Variants in NRBP2 observed in about 807,000 individuals in gnomAD.
NRBP2 encodes nuclear receptor binding protein 2.
In NRBP2, 47 loss-of-function variants were observed where a neutral mutation model predicts 74.4. The ratio of observed to expected loss-of-function variants is 0.63; its 90% CI spans 0.50 to 0.81. The LOEUF is 0.81. Among genes scored for constraint, NRBP2 ranks in the 30% least tolerant of loss-of-function variants. The pLI is 0.00. For missense variants in NRBP2, 613 were observed against 690.1 expected (o/e 0.89, Z 1.25); for synonymous variants, 312 against 273.8 (o/e 1.14, Z -1.38).
chr8:143,832,751 C>A (rs1171489103), downstream of NRBP2, among the ~76,000 whole-genome samples: 6 of 152,206 alleles, frequency 3.9e-5, no homozygotes, highest in Admixed American at 3.9e-4. Context: ...CTGACACATC[C>A]CCCTCTTCGA....
rs542692781 is a variant in NRBP2 at position 143,836,348 on chromosome 8, G to A, written c.1264-168C>T. Among the ~76,000 whole-genome samples the A allele has an allele frequency of 2.6e-5, 4 of 152,214 alleles. No homozygotes were observed. In the East Asian group the frequency reaches 7.8e-4, roughly 30 times the overall value. The stretch of plus-strand genomic sequence containing the variant: ...GCTAAGGAAAGCTTCGAGAAGAGTC[G>A]ACATTAGGGGCTGGGTACTGAAGGC... On this transcript the variant is annotated intron_variant, in intron 14 of 17. Transcript: ENST00000442628.
At position 143,839,277 on chromosome 8, in the gene NRBP2, T is replaced by C. The variant is rs923280552; in HGVS notation, c.580+37A>G. Reference sequence around the variant, plus strand: ...GCCCTTGGCTCCAGGCACCTTCCCCTGCCCCGTTCCCCCACCCAGCCCTGC... The same window carrying C: ...GCCCTTGGCTCCAGGCACCTTCCCCCGCCCCGTTCCCCCACCCAGCCCTGC... On this transcript the variant is annotated intron_variant, in intron 6 of 17. Coordinates refer to ENST00000442628, the MANE Select transcript of NRBP2 (RefSeq NM_178564.4). The surrounding 1 kb of genome is among the most constrained non-coding windows in gnomAD (Gnocchi z 5.1). The C allele has an allele frequency of 1.3e-6, 2 of 1,535,006 alleles. No individual in the cohort carries two copies. The highest frequency in any genetic ancestry group is 1.4e-5 in the African/African-American group (1 of 73,046).
In NRBP2 at chr8:143,836,231, C is replaced by T. The variant is rs141251556; in HGVS notation, c.1264-51G>A. On this transcript the variant is annotated intron_variant, in intron 14 of 17. Transcript: ENST00000442628. ...ACAAACCCAGCAGCAAGACCACATG[C>T]CGCGGCCCCAAAGGGGCCGGGAAGG... The T allele has an allele frequency of 1.3e-3, 1,882 of 1,478,152 alleles. 13 individuals carry two copies. In the African/African-American group the frequency reaches 0.019, roughly 15 times the overall value. 91.6% of individuals were successfully genotyped at this position (1,478,152 alleles called of 1,614,324 possible).
At position 143,839,921 on chromosome 8, in the gene NRBP2, G is replaced by A. The variant is rs369743431; in HGVS notation, c.354+8C>T. On this transcript the variant is annotated splice_region_variant and intron_variant, in intron 3 of 17. Coordinates refer to ENST00000442628, the MANE Select transcript of NRBP2 (RefSeq NM_178564.4). This position sits in a 1 kb window ranked among gnomAD's most constrained non-coding sequence, Gnocchi z 5.1. Reference sequence around the variant, plus strand: ...TCTCTGCCTGCCCGGGGCCTTGCCCGTGCTCACCCTCGCGCAGGCCTCAGA... The same window carrying A: ...TCTCTGCCTGCCCGGGGCCTTGCCCATGCTCACCCTCGCGCAGGCCTCAGA... 1.8e-4 allele frequency: 281 copies of A among 1,535,934 alleles called. 5 individuals carry two copies. In the South Asian group the frequency reaches 2.7e-3, roughly 15 times the overall value.
downstream of NRBP2, among the ~76,000 whole-genome samples, chr8:143,831,410 G>A (rs1349211109): frequency 6.6e-6 from 1 of 152,162 alleles, no homozygotes; most frequent in African/African-American, 2.4e-5. Context: ...GGGCCCAGGG[G>A]TTCAAGACCA....
chr8:143,839,162 C>G lies in NRBP2; in HGVS notation c.604+10G>C. On this transcript the variant is annotated intron_variant, in intron 7 of 17. Coordinates refer to ENST00000442628, the MANE Select transcript of NRBP2 (RefSeq NM_178564.4). The surrounding 1 kb of genome is among the most constrained non-coding windows in gnomAD (Gnocchi z 5.1). ...CTCCAGGACCCCGTCCCCCCAAAGT[C>G]CGCACTTACCATTGGAGAAGATTCG... 1 of 1,523,156 alleles carries G rather than the reference C, an allele frequency of 6.6e-7. No individual in the cohort carries two copies. The highest frequency in any genetic ancestry group is 1.2e-5 in the South Asian group (1 of 82,140). The allele number at this position is 1,523,156 out of a possible 1,614,324, so 94.4% of individuals were successfully genotyped here.
chr8:143,835,557 G>GCTC lies in NRBP2; in HGVS notation c.*102_*104dup, dbSNP rs1418852283. 1.0e-6 allele frequency: 1 copy of GCTC among 960,746 alleles called. No individual in the cohort carries two copies. Among genetic ancestry groups the GCTC allele is most frequent in the Non-Finnish European group, 1.5e-6 (1 of 649,546 alleles). The allele number at this position is 960,746 out of a possible 1,614,324, so 59.5% of individuals were successfully genotyped here. ...GTTCCTTCACTACCGGGGCCTTTGTGCTCCCAGGCGCATGGAGGAGGGCAG... is the reference window on the plus strand; with the variant it reads ...GTTCCTTCACTACCGGGGCCTTTGTGCTCCTCCCAGGCGCATGGAGGAGGGCAG... On this transcript the variant is annotated 3_prime_UTR_variant, in exon 18 of 18. Transcript: ENST00000442628. This position sits in a 1 kb window ranked among gnomAD's most constrained non-coding sequence, Gnocchi z 4.9.
chr8:143,838,862 G>A (rs1818551169), intron 9 of NRBP2, 21 bp downstream of exon 9: 3 of 1,613,308 alleles, frequency 1.9e-6, no homozygotes, highest in Non-Finnish European at 2.5e-6. Flanking sequence ...CAGAGCACAA[G>A]GTGGAGGGCG....
At position 143,840,270 on chromosome 8, in the gene NRBP2, C is replaced by A; in HGVS notation, c.130-41G>T. On this transcript the variant is annotated intron_variant, in intron 1 of 17. Coordinates refer to ENST00000442628, the MANE Select transcript of NRBP2 (RefSeq NM_178564.4). The surrounding 1 kb of genome is among the most constrained non-coding windows in gnomAD (Gnocchi z 5.7). ...GGGTTATGTGTGCCCTGGTGTGTGT[C>A]AGGGTTGTGGGTGAGGATTTGGTCC... is the stretch of plus-strand genomic sequence containing the variant. The A allele has an allele frequency of 6.5e-7, 1 of 1,533,902 alleles. No homozygotes were observed. Among genetic ancestry groups the A allele is most frequent in the South Asian group, 1.2e-5 (1 of 83,680 alleles).
rs782701970 is a variant in NRBP2, at chr8:143,837,256, C to T, written c.1120G>A (p.Asp374Asn). 17 of 1,613,898 alleles carry T rather than the reference C, an allele frequency of 1.1e-5. No individual in the cohort carries two copies. Among genetic ancestry groups the T allele is most frequent in the Non-Finnish European group, 1.4e-5 (16 of 1,179,986 alleles). Reference sequence around the variant, plus strand: ...CCTTACATCAGTTCTCACCTGACATCCTCCAGGAATTTGTCCAGCTCCATG... The same window carrying T: ...CCTTACATCAGTTCTCACCTGACATTCTCCAGGAATTTGTCCAGCTCCATG... Reference protein sequence around the residue: ...SFMELDKFLEDVRNGIYPLMN... With the variant: ...SFMELDKFLENVRNGIYPLMN... Residue 374 changes from aspartate (D) to asparagine (N), a missense_variant, in exon 13 of 18, where the codon GAT becomes AAT. By Grantham distance (23) the Asp-to-Asn change is conservative (BLOSUM62 1). Coordinates refer to ENST00000442628, the MANE Select transcript of NRBP2 (RefSeq NM_178564.4). The surrounding 1 kb of genome is among the most constrained non-coding windows in gnomAD (Gnocchi z 4.3).
intron 14 of NRBP2, 127 bp downstream of exon 14, chr8:143,836,912 T>C: frequency 9.1e-7 from 1 of 1,093,790 alleles, no homozygotes; most frequent in Non-Finnish European, 1.3e-6. Flanking sequence ...AGCCTGGATC[T>C]GGTCTCTGGC....
intron 14 of NRBP2, 139 bp downstream of exon 14, chr8:143,836,900 T>C: frequency 1.0e-6 from 1 of 966,712 alleles, no homozygotes; most frequent in Non-Finnish European, 1.5e-6. Context: ...CACAAGGGGG[T>C]CAGCCTGGAT....
rs373109125 is a variant in NRBP2, at chr8:143,840,257, C to G, written c.130-28G>C. On this transcript the variant is annotated intron_variant, in intron 1 of 17. Transcript: ENST00000442628. The surrounding 1 kb of genome is among the most constrained non-coding windows in gnomAD (Gnocchi z 5.7). ...GGGGGTGAATAAAGGGTTATGTGTG[C>G]CCTGGTGTGTGTCAGGGTTGTGGGT... 2.8e-5 allele frequency: 43 copies of G among 1,535,202 alleles called. No homozygotes were observed. In the East Asian group the frequency reaches 3.7e-4, roughly 13 times the overall value.
At chr8:143,838,849 G>A (rs1554652634) in intron 9 of NRBP2, 34 bp downstream of exon 9, 1 of 1,613,014 alleles carries the variant, frequency 6.2e-7, no homozygotes, top group Admixed American at 1.7e-5. Flanking sequence ...GTTAGGAGGA[G>A]GGCAGAGCAC....
rs113425809 is a variant in NRBP2 at position 143,839,923 on chromosome 8, G to A, written c.354+6C>T. On this transcript the variant is annotated splice_donor_region_variant and intron_variant, in intron 3 of 17. Transcript: ENST00000442628. This position sits in a 1 kb window ranked among gnomAD's most constrained non-coding sequence, Gnocchi z 5.1. Reference sequence around the variant, plus strand: ...TCTGCCTGCCCGGGGCCTTGCCCGTGCTCACCCTCGCGCAGGCCTCAGAGG... The same window carrying A: ...TCTGCCTGCCCGGGGCCTTGCCCGTACTCACCCTCGCGCAGGCCTCAGAGG... The A allele has an allele frequency of 3.9e-6, 6 of 1,536,018 alleles. No homozygotes were observed. Among genetic ancestry groups the A allele is most frequent in the African/African-American group, 1.4e-5 (1 of 73,160 alleles).
chr8:143,840,747 C>CCAGGATGT lies in NRBP2; in HGVS notation c.80_87dup (p.Glu30ThrfsTer18). 6.6e-7 allele frequency: 1 copy of CCAGGATGT among 1,514,908 alleles called. No individual in the cohort carries two copies. Among genetic ancestry groups the CCAGGATGT allele is most frequent in the Admixed American group, 2.0e-5 (1 of 49,580 alleles). 93.8% of individuals were successfully genotyped at this position (1,514,908 alleles called of 1,614,324 possible). ...TGCCAGCGACCACACGGGCTTTCCT[C>CCAGGATGT]CAGGATGTCGCTCTCGTCCTCGCTC... On this transcript the variant is annotated frameshift_variant, in exon 1 of 18. Coordinates refer to ENST00000442628, the MANE Select transcript of NRBP2 (RefSeq NM_178564.4). LOFTEE classifies it high-confidence loss of function. This position sits in a 1 kb window ranked among gnomAD's most constrained non-coding sequence, Gnocchi z 5.7.
rs781891760 is a variant in NRBP2 at position 143,836,049 on chromosome 8, G to A, written c.1318-19C>T. The A allele has an allele frequency of 7.0e-6, 11 of 1,563,268 alleles. No homozygotes were observed. The highest frequency in any genetic ancestry group is 1.9e-5 in the Admixed American group (1 of 53,206). On this transcript the variant is annotated intron_variant, in intron 15 of 17. Coordinates refer to ENST00000442628, the MANE Select transcript of NRBP2 (RefSeq NM_178564.4). ...GAGTGAGCTGGGGAGGCGGCGGGGC[G>A]TGGTCGGCTGGGGGTTCAGGGCTCC...
Position 143,835,644 on chromosome 8 carries a change from T to C in NRBP2, c.*18A>G. The C allele has an allele frequency of 1.3e-6, 2 of 1,561,184 alleles. No individual in the cohort carries two copies. Among genetic ancestry groups the C allele is most frequent in the Non-Finnish European group, 8.6e-7 (1 of 1,156,368 alleles). On this transcript the variant is annotated 3_prime_UTR_variant, in exon 18 of 18. Transcript: ENST00000442628. The surrounding 1 kb of genome is among the most constrained non-coding windows in gnomAD (Gnocchi z 4.9). ...CAGGCAGCACCCCGGCATGGTCCCC[T>C]GGGGCTGGGGCTCCGGGTCAGGCCT...
chr8:143,832,098 CTCTGTTAAT>C (rs1215725555), downstream of NRBP2, among the ~76,000 whole-genome samples: 1 of 152,234 alleles, frequency 6.6e-6, no homozygotes, highest in Admixed American at 6.5e-5. Context: ...TGCCTTGAGA[CTCTGTTAAT>C]CTATGACCTT....
Sources: gnomAD v4.1 joint callset for allele counts (sites outside exome capture counted in the v4.1 genomes callset) on GRCh38, gnomAD v4.1.1 for gene constraint, Gnocchi (gnomAD v3.1) non-coding constraint, MANE v1.5 for transcripts, NCBI Gene and HGNC (gene_info 2026-07-23, HGNC 2026-07-21) for gene names.